DZANK1: variants seen among roughly 807,000 people sequenced by gnomAD.
DZANK1 encodes the protein double zinc ribbon and ankyrin repeat domains 1.
A neutral mutation model predicts 94.5 loss-of-function variants in DZANK1; 91 were observed. The ratio of observed to expected loss-of-function variants is 0.96; its 90% CI spans 0.81 to 1.15. DZANK1 has a LOEUF of 1.15. DZANK1 is among the 50% of genes most tolerant of loss of function. The pLI is 0.00. For synonymous variants in DZANK1, 312 were observed against 325.3 expected (o/e 0.96, Z 0.44); for missense variants, 903 against 916.4 (o/e 0.99, Z 0.19).
At chr20:18,465,639 T>A (rs1363515524) in intron 1 of DZANK1, among the ~76,000 whole-genome samples, 1 of 152,204 alleles carries the variant, frequency 6.6e-6, no homozygotes, top group East Asian at 1.9e-4. Context: ...GAAGTTACTT[T>A]AAAAGGACAA....
intron 3 of DZANK1, among the ~76,000 whole-genome samples, chr20:18,459,046 C>T (rs1257559822): frequency 1.3e-5 from 2 of 152,190 alleles, no homozygotes; most frequent in African/African-American, 4.8e-5. Flanking sequence ...TCTTGAAAGC[C>T]TTATTAACTC....
intron 19 of DZANK1, among the ~76,000 whole-genome samples, chr20:18,387,439 A>G (rs529952239): frequency 7.9e-4 from 120 of 152,348 alleles, no homozygotes; most frequent in African/African-American, 2.7e-3. Flanking sequence ...AGATTAATGT[A>G]CATTCTCTCC....
At position 18,406,653 on chromosome 20, in the gene DZANK1, T is replaced by C. The variant is rs142347054; in HGVS notation, c.1432+5993A>G. On this transcript the variant is annotated intron_variant, in intron 13 of 20. Transcript: ENST00000262547. Reference sequence around the variant, plus strand: ...GCTATGGTGCAAGACTCATTCTGTTTGAGAAAAGCAGAGGGAAAAGTAAAG... The same window carrying C: ...GCTATGGTGCAAGACTCATTCTGTTCGAGAAAAGCAGAGGGAAAAGTAAAG... Among the ~76,000 whole-genome samples the C allele has an allele frequency of 2.0e-4, 30 of 152,324 alleles. No homozygotes were observed. The East Asian group carries it at 2.9e-3, about 15-fold the overall frequency.
At chr20:18,419,564 G>T (rs1333667363) in intron 10 of DZANK1, among the ~76,000 whole-genome samples, 1 of 152,134 alleles carries the variant, frequency 6.6e-6, no homozygotes, top group Non-Finnish European at 1.5e-5. Flanking sequence ...TCCCGTACAT[G>T]AAAATGTCAA....
chr20:18,384,942 C>T (rs2048392436), intron 20 of DZANK1, 74 bp downstream of exon 20: 17 of 1,433,594 alleles, frequency 1.2e-5, no homozygotes, highest in Middle Eastern at 2.1e-4. Context: ...CAAGGCCCCT[C>T]TTAAAATCAT....
At chr20:18,455,402 C>G (rs202245122) in intron 3 of DZANK1, 41 bp from the exon 4 acceptor site, 113 of 1,433,746 alleles carry the variant, frequency 7.9e-5, no homozygotes, top group African/African-American at 7.6e-4. Context: ...CTGTGTTACA[C>G]AAAGATTTTT....
At chr20:18,463,445 T>C (rs1014659568) in intron 2 of DZANK1, among the ~76,000 whole-genome samples, 6 of 151,976 alleles carry the variant, frequency 3.9e-5, no homozygotes, top group Non-Finnish European at 7.4e-5. Flanking sequence ...CACCACACAA[T>C]ATACCCAGGT....
intron 4 of DZANK1, chr20:18,454,650 AG>A (rs1315707022): frequency 6.5e-6 from 1 of 154,838 alleles, no homozygotes; most frequent in Non-Finnish European, 1.4e-5. Flanking sequence ...TCAACATAAA[AG>A]AATTCTATGC....
intron 13 of DZANK1, among the ~76,000 whole-genome samples, chr20:18,405,472 T>C (rs377397648): frequency 6.0e-4 from 92 of 152,228 alleles, no homozygotes; most frequent in African/African-American, 1.6e-3. Flanking sequence ...TTGGAAGCTA[T>C]TGAGCATGCC....
intron 3 of DZANK1, among the ~76,000 whole-genome samples, chr20:18,458,144 T>C (rs1414884344): frequency 6.6e-6 from 1 of 152,226 alleles, no homozygotes; most frequent in Non-Finnish European, 1.5e-5. Flanking sequence ...CATATGATCT[T>C]TAATACACAT....
intron 2 of DZANK1, among the ~76,000 whole-genome samples, chr20:18,464,543 T>C (rs568251947): frequency 2.0e-5 from 3 of 152,130 alleles, no homozygotes; most frequent in East Asian, 1.9e-4. Context: ...CCAAGGTCAC[T>C]AGAAGTTGTC....
intron 13 of DZANK1, among the ~76,000 whole-genome samples, chr20:18,411,742 G>A (rs1288111358): frequency 2.0e-5 from 3 of 152,156 alleles, no homozygotes; most frequent in Non-Finnish European, 4.4e-5. Context: ...CATTTGTGCT[G>A]CTATAAACAA....
At chr20:18,448,623 C>A (rs1314961642) in intron 7 of DZANK1, among the ~76,000 whole-genome samples, 2 of 152,074 alleles carry the variant, frequency 1.3e-5, no homozygotes, top group Non-Finnish European at 2.9e-5. Context: ...AATCTCAGCA[C>A]TTTGGGAGAC....
intron 13 of DZANK1, among the ~76,000 whole-genome samples, chr20:18,412,046 C>T (rs999834031): frequency 6.6e-6 from 1 of 152,070 alleles, no homozygotes; most frequent in African/African-American, 2.4e-5. Context: ...CAAAACGTCC[C>T]GCCACTTAAT....
At chr20:18,421,656 C>A (rs1357996093) in intron 10 of DZANK1, among the ~76,000 whole-genome samples, 3 of 152,200 alleles carry the variant, frequency 2.0e-5, no homozygotes, top group Admixed American at 1.3e-4. Context: ...TGACATCCTG[C>A]ACTTATTCCA....
chr20:18,430,406 T>C lies in DZANK1; in HGVS notation c.861+3246A>G, dbSNP rs148017657. ...ACATGACTGAAGTCCTGGAGGTATA[T>C]TGCATGTTGCTCGTAAAATCCCAAA... On this transcript the variant is annotated intron_variant, in intron 9 of 20. Transcript: ENST00000262547. Among the ~76,000 whole-genome samples the C allele has an allele frequency of 2.0e-3, 302 of 152,346 alleles. 1 individual carries two copies. The highest frequency in any genetic ancestry group is 3.4e-3 in the Non-Finnish European group (234 of 68,030).
At chr20:18,395,153 G>A (rs1164556702) in intron 15 of DZANK1, among the ~76,000 whole-genome samples, 1 of 152,146 alleles carries the variant, frequency 6.6e-6, no homozygotes, top group Non-Finnish European at 1.5e-5. Context: ...TTGAGGCCAG[G>A]AGTTCGAGAC....
chr20:18,448,526 C>A (rs574675477), intron 7 of DZANK1, among the ~76,000 whole-genome samples: 1 of 152,170 alleles, frequency 6.6e-6, no homozygotes, highest in Admixed American at 6.5e-5. Context: ...AATACATATG[C>A]AGTTATTGTA....
At chr20:18,425,994 C>G (rs1292917806) in intron 10 of DZANK1, among the ~76,000 whole-genome samples, 2 of 152,126 alleles carry the variant, frequency 1.3e-5, no homozygotes, top group Non-Finnish European at 2.9e-5. Context: ...AGATTTCTGT[C>G]GTTGTTAGCC....
Sources: gnomAD v4.1 joint callset for allele counts (sites outside exome capture counted in the v4.1 genomes callset) on GRCh38, gnomAD v4.1.1 for gene constraint, MANE v1.5 for transcripts, NCBI Gene and HGNC (gene_info 2026-07-23, HGNC 2026-07-21) for gene names.